EYS: variants seen among roughly 807,000 people sequenced by gnomAD.
EYS encodes EGF-like photoreceptor maintenance factor.
A neutral mutation model predicts 282.1 loss-of-function variants in EYS; 250 were observed. The observed-to-expected ratio is 0.89, with a 90% CI of 0.80 to 0.98. EYS has a LOEUF of 0.98. Ranked by LOEUF, EYS falls within the 50% of genes least tolerant of loss-of-function variation. EYS has a pLI of 0.00. For synonymous variants in EYS, 1,355 were observed against 1,282.9 expected, an observed-to-expected ratio of 1.06 and a Z score of -1.20; for missense variants, 4,016 against 3,709.0, an observed-to-expected ratio of 1.08 and a Z score of -2.15.
chr6:64,295,687 C>G (rs192273506), intron 30 of EYS, among the ~76,000 whole-genome samples: 1 of 144,890 alleles, frequency 6.9e-6, no homozygotes, highest in Non-Finnish European at 1.5e-5. Flanking sequence ...TGAGATCGCG[C>G]CGCTGCACTC....
At chr6:65,220,799 G>A (rs112856964) in intron 12 of EYS, among the ~76,000 whole-genome samples, 1 of 152,112 alleles carries the variant, frequency 6.6e-6, no homozygotes, top group Non-Finnish European at 1.5e-5. Context: ...CTTGTGGAAT[G>A]GTTTTGACCA....
intron 28 of EYS, among the ~76,000 whole-genome samples, chr6:64,399,835 G>T (rs1430551731): frequency 6.6e-6 from 1 of 151,890 alleles, no homozygotes; most frequent in African/African-American, 2.4e-5. Context: ...TTGAAGCTGT[G>T]TTAGTGCTGA....
chr6:65,693,328 A>T (rs1366768960), intron 1 of EYS, among the ~76,000 whole-genome samples: 2 of 149,526 alleles, frequency 1.3e-5, no homozygotes, highest in Non-Finnish European at 3.0e-5. Flanking sequence ...GTAACTTTGT[A>T]AAAATGAAGA....
At chr6:64,909,352 T>C (rs1348997128) in intron 16 of EYS, among the ~76,000 whole-genome samples, 1 of 152,200 alleles carries the variant, frequency 6.6e-6, no homozygotes, top group Non-Finnish European at 1.5e-5. Context: ...ATTCATTACA[T>C]ACTAAATAAT....
At chr6:65,167,654 C>T (rs1765006258) in intron 12 of EYS, among the ~76,000 whole-genome samples, 1 of 151,122 alleles carries the variant, frequency 6.6e-6, no homozygotes, top group Non-Finnish European at 1.5e-5. Context: ...TATAGAACTT[C>T]TGGAAACTGA....
At chr6:64,372,323 C>T (rs1485070913) in intron 29 of EYS, among the ~76,000 whole-genome samples, 1 of 151,888 alleles carries the variant, frequency 6.6e-6, no homozygotes, top group Non-Finnish European at 1.5e-5. Flanking sequence ...ATATGAAATC[C>T]TTGGATGAAA....
chr6:63,914,488 C>G (rs1313100788), intron 35 of EYS, among the ~76,000 whole-genome samples: 1 of 152,144 alleles, frequency 6.6e-6, no homozygotes, highest in African/African-American at 2.4e-5. Context: ...GTGGGCAGAT[C>G]ACCTGAAGTA....
At chr6:64,306,779 T>C (rs1769461022) in intron 30 of EYS, among the ~76,000 whole-genome samples, 191 bp downstream of exon 30, 1 of 152,192 alleles carries the variant, frequency 6.6e-6, no homozygotes, top group African/African-American at 2.4e-5. Flanking sequence ...TAAGTAATGG[T>C]CCATCTTAAT....
intron 22 of EYS, among the ~76,000 whole-genome samples, chr6:64,800,060 T>G (rs1311489383): frequency 6.6e-6 from 1 of 152,010 alleles, no homozygotes; most frequent in Admixed American, 6.6e-5. Context: ...CTGAAAAATT[T>G]TGGGAGAAGC....
intron 2 of EYS, among the ~76,000 whole-genome samples, chr6:65,573,931 G>C (rs912890191): frequency 2.0e-5 from 3 of 152,114 alleles, no homozygotes; most frequent in Non-Finnish European, 4.4e-5. Context: ...CAGCTGCCTA[G>C]AGAGTTAAGC....
At chr6:64,191,348 ATACTT>A (rs1765097124) in intron 31 of EYS, among the ~76,000 whole-genome samples, 3 of 151,942 alleles carry the variant, frequency 2.0e-5, no homozygotes, top group Non-Finnish European at 4.4e-5. Context: ...TATTATTATT[ATACTT>A]TAAGTTTTAG....
chr6:64,457,936 T>C (rs903058036), intron 26 of EYS, among the ~76,000 whole-genome samples: 1 of 151,936 alleles, frequency 6.6e-6, no homozygotes, highest in African/African-American at 2.4e-5. Context: ...ATTTTGTTTG[T>C]GTGTGTGTAT....
intron 11 of EYS, among the ~76,000 whole-genome samples, chr6:65,315,503 G>A (rs1502962): frequency 0.08 from 12,184 of 151,938 alleles, 794 homozygotes; most frequent in East Asian, 0.3. Context: ...CTGGAGTTCA[G>A]TTGTGTCTCT....
intron 19 of EYS, among the ~76,000 whole-genome samples, chr6:64,840,432 T>C (rs1040900064): frequency 6.6e-6 from 1 of 152,178 alleles, no homozygotes; most frequent in African/African-American, 2.4e-5. Flanking sequence ...TTTGAGAATT[T>C]CTTCTTCTCT....
At chr6:64,431,076 A>C (rs1039280168) in intron 28 of EYS, among the ~76,000 whole-genome samples, 1 of 152,130 alleles carries the variant, frequency 6.6e-6, no homozygotes, top group Non-Finnish European at 1.5e-5. Flanking sequence ...TGCCAGGAGC[A>C]AAGACCTTGA....
intron 5 of EYS, among the ~76,000 whole-genome samples, chr6:65,470,642 C>T (rs1410734830): frequency 6.6e-6 from 1 of 152,032 alleles, no homozygotes; most frequent in Non-Finnish European, 1.5e-5. Flanking sequence ...AGTCCAAAGA[C>T]ATGAAAATAA....
intron 31 of EYS, among the ~76,000 whole-genome samples, chr6:64,157,122 C>T (rs1774952951): frequency 6.7e-6 from 1 of 148,854 alleles, no homozygotes; most frequent in South Asian, 2.2e-4. Flanking sequence ...CAATTCCCAC[C>T]TATGAGTGAG....
intron 31 of EYS, among the ~76,000 whole-genome samples, chr6:64,229,993 T>G (rs2150337648): frequency 6.6e-6 from 1 of 152,324 alleles, no homozygotes; most frequent in African/African-American, 2.4e-5. Context: ...ACTTAATGCC[T>G]TTGTAATCTG....
intron 35 of EYS, among the ~76,000 whole-genome samples, chr6:63,880,019 G>A (rs1361627332): frequency 6.6e-6 from 1 of 152,100 alleles, no homozygotes; most frequent in Non-Finnish European, 1.5e-5. Flanking sequence ...TTTAACTGTT[G>A]TATTATCTGG....
Sources: allele counts gnomAD v4.1 joint callset (sites outside exome capture counted in the v4.1 genomes callset), GRCh38; gene constraint gnomAD v4.1.1; transcripts MANE v1.5; gene names NCBI Gene and HGNC (gene_info 2026-07-23, HGNC 2026-07-21).